Variants in SRCIN1 observed in about 807,000 individuals in gnomAD.
The protein encoded by SRCIN1 is P130Cas-associated protein.
SRCIN1 carries 50 observed loss-of-function variants against 116.2 expected under a neutral mutation model. The ratio of observed to expected loss-of-function variants is 0.43; its 90% CI spans 0.34 to 0.54. The LOEUF is 0.54. SRCIN1 is among the 20% of genes least tolerant of loss of function. The pLI is 0.02. For synonymous variants in SRCIN1, 736 were observed against 750.0 expected (o/e 0.98, Z 0.30); for missense variants, 1,446 against 1,672.0 (o/e 0.86, Z 2.36).
chr17:38,554,809 G>A (rs1311710043), intron 11 of SRCIN1, among the ~76,000 whole-genome samples: 3 of 152,144 alleles, frequency 2.0e-5, no homozygotes, highest in Non-Finnish European at 2.9e-5. Context: ...ACTCACATGC[G>A]GGACTTTATA....
intron 18 of SRCIN1, among the ~76,000 whole-genome samples, chr17:38,536,503 T>C (rs1483480261): frequency 1.3e-5 from 2 of 152,226 alleles, no homozygotes; most frequent in Non-Finnish European, 2.9e-5. Flanking sequence ...CACCTCCCTC[T>C]TGCCTGGGGA....
In SRCIN1 at chr17:38,572,012, C is replaced by G. The variant is rs1319787502; in HGVS notation, c.325-3781G>C. Among the ~76,000 whole-genome samples, 1 of 152,116 alleles carries G rather than the reference C, an allele frequency of 6.6e-6. No homozygotes were observed. The highest frequency in any genetic ancestry group is 1.5e-5 in the Non-Finnish European group (1 of 67,986). On this transcript the variant is annotated intron_variant, in intron 2 of 18. Transcript: ENST00000617146. The surrounding 1 kb of genome is among the most constrained non-coding windows in gnomAD (Gnocchi z 4.3). ...GCTAGGGCCCCTGGGGAGGCTTGGC[C>G]CAGCCAGCTGAGGTCTCTTTCCTCC...
In SRCIN1 at chr17:38,532,749, G is replaced by A. The variant is rs2040939067; in HGVS notation, c.*548C>T. 6.6e-6 allele frequency: 1 copy of A among 152,426 alleles called. No homozygotes were observed. Among genetic ancestry groups the A allele is most frequent in the South Asian group, 2.1e-4 (1 of 4,832 alleles). 9.4% of individuals were successfully genotyped at this position (152,426 alleles called of 1,614,324 possible). On this transcript the variant is annotated 3_prime_UTR_variant, in exon 19 of 19. Coordinates refer to ENST00000617146, the MANE Select transcript of SRCIN1 (RefSeq NM_025248.3). This position sits in a 1 kb window ranked among gnomAD's most constrained non-coding sequence, Gnocchi z 4.3. The stretch of plus-strand genomic sequence containing the variant: ...TCTTGTCGGAGCTTAGACAGGGAGT[G>A]GGGCATCTCCAAGGCCAGTCTCCCT...
intron 1 of SRCIN1, among the ~76,000 whole-genome samples, chr17:38,579,837 C>T (rs578259515): frequency 4.6e-5 from 7 of 152,214 alleles, no homozygotes; most frequent in African/African-American, 1.2e-4. Flanking sequence ...CCAGAGGTCA[C>T]GCATGCCCCT....
At chr17:38,549,290 AC>A in intron 15 of SRCIN1, 80 bp from the exon 16 acceptor site, 2 of 1,356,914 alleles carry the variant, frequency 1.5e-6, no homozygotes, top group Non-Finnish European at 1.9e-6. Flanking sequence ...AAGGGGATAA[AC>A]CTTGCTTCTT....
intron 17 of SRCIN1, among the ~76,000 whole-genome samples, chr17:38,546,197 G>A (rs897519943): frequency 1.3e-5 from 2 of 152,210 alleles, no homozygotes; most frequent in Non-Finnish European, 2.9e-5. Context: ...GCCAGGTGCC[G>A]TCACACCCTT....
At chr17:38,566,914 C>CTTCT (rs1906746692) in intron 3 of SRCIN1, among the ~76,000 whole-genome samples, 3 of 98,462 alleles carry the variant, frequency 3.0e-5, no homozygotes, top group Non-Finnish European at 6.2e-5. Context: ...TCCTTCCTTC[C>CTTCT]TTCCTTCTTT....
Position 38,568,266 on chromosome 17 carries a change from GGGGGCCCAGGA to G in SRCIN1, c.325-46_325-36del. ...GAAATAAGAGAAGAGATGGTTATGA[GGGGGCCCAGGA>G]GGGGAAAAGAGGGGCAGGGGCAGGT... is the stretch of plus-strand genomic sequence containing the variant. On this transcript the variant is annotated intron_variant, in intron 2 of 18. Coordinates refer to ENST00000617146, the MANE Select transcript of SRCIN1 (RefSeq NM_025248.3). The surrounding 1 kb of genome is among the most constrained non-coding windows in gnomAD (Gnocchi z 4.5). 1 of 1,610,120 alleles carries G rather than the reference GGGGGCCCAGGA, an allele frequency of 6.2e-7. No individual in the cohort carries two copies. Among genetic ancestry groups the G allele is most frequent in the Non-Finnish European group, 8.5e-7 (1 of 1,178,154 alleles).
At position 38,533,143 on chromosome 17, in the gene SRCIN1, A is replaced by T; in HGVS notation, c.*154T>A. 1.9e-6 allele frequency: 1 copy of T among 532,528 alleles called. No homozygotes were observed. The highest frequency in any genetic ancestry group is 2.7e-6 in the Non-Finnish European group (1 of 363,800). The allele number at this position is 532,528 out of a possible 1,614,324, so 33.0% of individuals were successfully genotyped here. A position where few individuals can be genotyped will look rare whatever the true frequency, so the allele number is the denominator to read the frequency against. ...CCAAAAACACCAACAGATGATGGGT[A>T]GGGGTCGCTGAGGAGGGCCGCACCC... On this transcript the variant is annotated 3_prime_UTR_variant, in exon 19 of 19. Coordinates refer to ENST00000617146, the MANE Select transcript of SRCIN1 (RefSeq NM_025248.3).
chr17:38,549,337 C>G, intron 15 of SRCIN1, 127 bp from the exon 16 acceptor site: 1 of 953,354 alleles, frequency 1.0e-6, no homozygotes. Context: ...GAGAGGAAAG[C>G]CTGGGGGCAA....
chr17:38,563,650 G>T lies in SRCIN1; in HGVS notation c.542-129C>A. The T allele has an allele frequency of 7.9e-7, 1 of 1,262,446 alleles. No homozygotes were observed. Among genetic ancestry groups the T allele is most frequent in the Non-Finnish European group, 1.1e-6 (1 of 897,916 alleles). The allele number at this position is 1,262,446 out of a possible 1,614,324, so 78.2% of individuals were successfully genotyped here. A position where few individuals can be genotyped will look rare whatever the true frequency, so the allele number is the denominator to read the frequency against. ...GGGTCTGAGGCTAGACGCCGCCCCC[G>T]AGTGCAGATGCACCCAGGCACCTCT... On this transcript the variant is annotated intron_variant, in intron 4 of 18. Coordinates refer to ENST00000617146, the MANE Select transcript of SRCIN1 (RefSeq NM_025248.3). This position sits in a 1 kb window ranked among gnomAD's most constrained non-coding sequence, Gnocchi z 5.8.
At chr17:38,593,710 A>AT (rs1453168002) in intron 1 of SRCIN1, among the ~76,000 whole-genome samples, 5 of 152,052 alleles carry the variant, frequency 3.3e-5, no homozygotes, top group Admixed American at 2.0e-4. Flanking sequence ...ACCAGTGATG[A>AT]TTTTTTTTCT....
At chr17:38,579,568 C>T (rs1907657875) in intron 1 of SRCIN1, among the ~76,000 whole-genome samples, 1 of 152,168 alleles carries the variant, frequency 6.6e-6, no homozygotes, top group Non-Finnish European at 1.5e-5. Context: ...GAAGTCCTTC[C>T]CAGGGGCTTT....
intron 1 of SRCIN1, among the ~76,000 whole-genome samples, chr17:38,600,361 C>T (rs939810948): frequency 5.9e-5 from 9 of 152,194 alleles, no homozygotes; most frequent in Admixed American, 4.6e-4. Flanking sequence ...GTTGGAGGTA[C>T]GGGCAGGACT....
intron 1 of SRCIN1, among the ~76,000 whole-genome samples, chr17:38,596,035 G>A (rs577428090): frequency 8.5e-5 from 13 of 152,258 alleles, no homozygotes; most frequent in African/African-American, 1.9e-4. Context: ...AGGAGGAATC[G>A]TGGGGGGCCT....
At chr17:38,576,341 T>C (rs1391280253) in intron 2 of SRCIN1, among the ~76,000 whole-genome samples, 1 of 152,096 alleles carries the variant, frequency 6.6e-6, no homozygotes, top group African/African-American at 2.4e-5. Flanking sequence ...GATGTCTGTT[T>C]CTCTCTCCCC....
intron 1 of SRCIN1, among the ~76,000 whole-genome samples, chr17:38,598,290 G>A (rs1436966829): frequency 1.3e-5 from 2 of 152,212 alleles, no homozygotes; most frequent in African/African-American, 4.8e-5. Flanking sequence ...CCATCCCAAG[G>A]GCTTCAAGGA....
At chr17:38,584,721 C>T (rs1908022062) in intron 1 of SRCIN1, among the ~76,000 whole-genome samples, 1 of 152,238 alleles carries the variant, frequency 6.6e-6, no homozygotes, top group Non-Finnish European at 1.5e-5. Flanking sequence ...GACACCATCT[C>T]ATAAGCCACC....
chr17:38,587,619 C>A (rs1021901212), intron 1 of SRCIN1, among the ~76,000 whole-genome samples: 2 of 152,086 alleles, frequency 1.3e-5, no homozygotes, highest in Non-Finnish European at 2.9e-5. Context: ...CACGATGCCA[C>A]TTCCCAGAAA....
Sources: allele counts gnomAD v4.1 joint callset (sites outside exome capture counted in the v4.1 genomes callset), GRCh38; gene constraint gnomAD v4.1.1; non-coding constraint Gnocchi (gnomAD v3.1); transcripts MANE v1.5; gene names NCBI Gene and HGNC (gene_info 2026-07-23, HGNC 2026-07-21).